Variants in ZNF521 observed in about 807,000 individuals in gnomAD.
ZNF521 encodes the protein LYST-interacting protein 3.
In ZNF521, 14 loss-of-function variants were observed where a neutral mutation model predicts 105.5. That is an observed-to-expected ratio of 0.13 (90% CI 0.09 to 0.21). The LOEUF (loss-of-function observed/expected upper bound fraction) is 0.21. Among genes scored for constraint, ZNF521 ranks in the 10% least tolerant of loss-of-function variants. The pLI, the probability that ZNF521 is intolerant of heterozygous loss-of-function variation, is 1.00. For synonymous variants in ZNF521, 635 were observed against 606.0 expected (o/e 1.05, Z -0.70); for missense variants, 1,233 against 1,629.7 (o/e 0.76, Z 4.19).
chr18:25,280,914 G>A (rs1190440787), intron 3 of ZNF521, among the ~76,000 whole-genome samples: 1 of 152,022 alleles, frequency 6.6e-6, no homozygotes, highest in African/African-American at 2.4e-5. Flanking sequence ...TCATGACAAA[G>A]GCTTCTAAAT....
At chr18:25,089,883 C>G (rs974610411) in intron 6 of ZNF521, among the ~76,000 whole-genome samples, 2 of 152,174 alleles carry the variant, frequency 1.3e-5, no homozygotes, top group African/African-American at 4.8e-5. Flanking sequence ...AGCTCTGTCT[C>G]AACAGAAATG....
chr18:25,312,131 T>A (rs964594964), intron 3 of ZNF521, among the ~76,000 whole-genome samples: 2 of 152,106 alleles, frequency 1.3e-5, no homozygotes, highest in African/African-American at 4.8e-5. Flanking sequence ...GACATCAAAA[T>A]TACAGAGAAA....
chr18:25,090,007 G>A (rs2033709398), intron 6 of ZNF521, among the ~76,000 whole-genome samples: 1 of 152,168 alleles, frequency 6.6e-6, no homozygotes, highest in Admixed American at 6.5e-5. Flanking sequence ...ATGTGTTAAT[G>A]CTAAAAATCA....
At position 25,190,476 on chromosome 18, in the gene ZNF521, T is replaced by G. The variant is rs994146915; in HGVS notation, c.3658+4684A>C. Among the ~76,000 whole-genome samples, 3 of 152,172 alleles carry G rather than the reference T, an allele frequency of 2.0e-5. No homozygotes were observed. The South Asian group carries it at 6.2e-4, about 32-fold the overall frequency. ...GGAGACATGGACCTTTCTCTTCCTA[T>G]GCAAAGATCCATATATTTGGATATT... is the stretch of plus-strand genomic sequence containing the variant. On this transcript the variant is annotated intron_variant, in intron 5 of 7. Coordinates refer to ENST00000361524, the MANE Select transcript of ZNF521 (RefSeq NM_015461.3).
chr18:25,117,028 T>TAC (rs1466954049), intron 5 of ZNF521, among the ~76,000 whole-genome samples: 1 of 80,918 alleles, frequency 1.2e-5, no homozygotes, highest in South Asian at 4.5e-4. Context: ...CATATATATA[T>TAC]ACATACACAC....
intron 5 of ZNF521, among the ~76,000 whole-genome samples, chr18:25,100,218 T>G (rs960621960): frequency 6.6e-6 from 1 of 152,132 alleles, no homozygotes; most frequent in African/African-American, 2.4e-5. Context: ...TGCTGATGAT[T>G]TTTTAAACAA....
chr18:25,348,057 ACT>A (rs1491446000), intron 2 of ZNF521, among the ~76,000 whole-genome samples: 3 of 152,218 alleles, frequency 2.0e-5, no homozygotes, highest in African/African-American at 7.2e-5. Context: ...ATAAAATCAG[ACT>A]TTTTATCTTT....
intron 2 of ZNF521, among the ~76,000 whole-genome samples, chr18:25,330,242 C>T (rs1913489973): frequency 6.6e-6 from 1 of 152,072 alleles, no homozygotes. Flanking sequence ...CAGTTCACTG[C>T]AACTTCTGCC....
Position 25,197,184 on chromosome 18 carries a change from T to C in ZNF521, c.3574-1940A>G, listed in dbSNP as rs570236136. Among the ~76,000 whole-genome samples the C allele has an allele frequency of 2.9e-4, 44 of 151,950 alleles. 1 individual carries two copies. In the East Asian group the frequency reaches 5.4e-3, roughly 19 times the overall value. On this transcript the variant is annotated intron_variant, in intron 4 of 7. Coordinates refer to ENST00000361524, the MANE Select transcript of ZNF521 (RefSeq NM_015461.3). Reference sequence around the variant, plus strand: ...ACTGATAATTCAAACATTAATTCTCTCCACTCATAAAACAGTGTCTAAAAT... The same window carrying C: ...ACTGATAATTCAAACATTAATTCTCCCCACTCATAAAACAGTGTCTAAAAT...
At chr18:25,256,624 A>G (rs1908525028) in intron 3 of ZNF521, among the ~76,000 whole-genome samples, 1 of 152,066 alleles carries the variant, frequency 6.6e-6, no homozygotes, top group African/African-American at 2.4e-5. Context: ...AGGCTTGAAA[A>G]GAGGCCCCCT....
At chr18:25,322,270 A>G (rs562301444) in intron 2 of ZNF521, 83 bp from the exon 3 acceptor site, 75 of 1,382,542 alleles carry the variant, frequency 5.4e-5, no homozygotes, top group Non-Finnish European at 7.3e-5. Context: ...TACCAAAAAC[A>G]GAAACACCAT....
chr18:25,073,179 A>G (rs762410093), intron 7 of ZNF521, among the ~76,000 whole-genome samples: 13 of 152,202 alleles, frequency 8.5e-5, no homozygotes, highest in Non-Finnish European at 1.5e-4. Flanking sequence ...AAACGCAATT[A>G]AACAAACTTC....
intron 5 of ZNF521, among the ~76,000 whole-genome samples, chr18:25,156,985 G>C (rs1489032103): frequency 2.6e-5 from 4 of 152,066 alleles, no homozygotes; most frequent in Non-Finnish European, 5.9e-5. Context: ...GATCACTTGA[G>C]GCCAGGAGTT....
chr18:25,090,870 T>C (rs563445977), intron 6 of ZNF521, among the ~76,000 whole-genome samples: 1 of 152,274 alleles, frequency 6.6e-6, no homozygotes, highest in East Asian at 1.9e-4. Context: ...TGGTAAACCA[T>C]AGCAGTATAT....
At chr18:25,180,565 C>CATCT (rs1269874790) in intron 5 of ZNF521, among the ~76,000 whole-genome samples, 2 of 151,098 alleles carry the variant, frequency 1.3e-5, no homozygotes, top group Non-Finnish European at 2.9e-5. Flanking sequence ...AAGAGGATGG[C>CATCT]ATCTATCATA....
intron 4 of ZNF521, among the ~76,000 whole-genome samples, chr18:25,200,095 C>T (rs1036874253): frequency 1.3e-5 from 2 of 152,256 alleles, no homozygotes; most frequent in East Asian, 3.9e-4. Flanking sequence ...CAGGATTCTA[C>T]TGTCTTTCAC....
In ZNF521 at chr18:25,099,474, C is replaced by G. The variant is rs371166913; in HGVS notation, c.3659-7393G>C. Among the ~76,000 whole-genome samples, 7 of 152,260 alleles carry G rather than the reference C, an allele frequency of 4.6e-5. No individual in the cohort carries two copies. The South Asian group carries it at 8.3e-4, about 18-fold the overall frequency. On this transcript the variant is annotated intron_variant, in intron 5 of 7. Coordinates refer to ENST00000361524, the MANE Select transcript of ZNF521 (RefSeq NM_015461.3). ...TTGCCAACTTATCCCTGGCAAGAAA[C>G]TGATAAGCCAAAACTTATCCCTTAT...
chr18:25,343,151 A>C (rs1914302826), intron 2 of ZNF521, among the ~76,000 whole-genome samples: 1 of 152,356 alleles, frequency 6.6e-6, no homozygotes, highest in South Asian at 2.1e-4. Context: ...CAGGTAAATA[A>C]GTTTCCATCT....
chr18:25,150,160 C>A (rs1467927098), intron 5 of ZNF521, among the ~76,000 whole-genome samples: 1 of 152,160 alleles, frequency 6.6e-6, no homozygotes, highest in African/African-American at 2.4e-5. Flanking sequence ...TCCAGTTATT[C>A]TCAGTGCAGT....
Sources: allele counts gnomAD v4.1 joint callset (sites outside exome capture counted in the v4.1 genomes callset), GRCh38; gene constraint gnomAD v4.1.1; transcripts MANE v1.5; gene names NCBI Gene and HGNC (gene_info 2026-07-23, HGNC 2026-07-21).